Variants in GRM8 observed in about 807,000 individuals in gnomAD.
The protein encoded by GRM8 is metabotropic glutamate receptor 8.
GRM8 carries 47 observed loss-of-function variants against 87.2 expected under a neutral mutation model. That is an observed-to-expected ratio of 0.54 (90% CI 0.43 to 0.69). GRM8 has a LOEUF of 0.69. GRM8 is among the 30% of genes least tolerant of loss of function. GRM8 has a pLI of 0.00. For missense variants in GRM8, 1,019 were observed against 1,139.2 expected (o/e 0.89, Z 1.52); for synonymous variants, 396 against 404.5 (o/e 0.98, Z 0.25).
At chr7:126,608,942 T>G (rs1306959660) in intron 8 of GRM8, among the ~76,000 whole-genome samples, 1 of 152,056 alleles carries the variant, frequency 6.6e-6, no homozygotes, top group Non-Finnish European at 1.5e-5. Context: ...TTTTTTTGTA[T>G]TTTTAGTAGA....
At chr7:127,195,480 A>G (rs1795233950) in intron 2 of GRM8, among the ~76,000 whole-genome samples, 1 of 152,200 alleles carries the variant, frequency 6.6e-6, no homozygotes, top group Non-Finnish European at 1.5e-5. Context: ...TACCTTACAG[A>G]ATTCTACCTT....
chr7:126,764,151 T>G (rs908697848), intron 7 of GRM8, among the ~76,000 whole-genome samples: 43 of 151,922 alleles, frequency 2.8e-4, no homozygotes, highest in Non-Finnish European at 5.2e-4. Flanking sequence ...TTTTCCCTTA[T>G]AGTAATAATC....
chr7:126,712,915 A>G (rs762422311), intron 7 of GRM8, among the ~76,000 whole-genome samples: 1 of 152,238 alleles, frequency 6.6e-6, no homozygotes, highest in Non-Finnish European at 1.5e-5. Context: ...CACGCCAGTT[A>G]GAATGGTGAT....
intron 7 of GRM8, among the ~76,000 whole-genome samples, chr7:126,744,802 A>ATTGAATTT (rs1388762222): frequency 6.6e-6 from 1 of 151,996 alleles, no homozygotes; most frequent in African/African-American, 2.4e-5. Flanking sequence ...ACATGGCAAC[A>ATTGAATTT]GATTGAATGC....
intron 7 of GRM8, among the ~76,000 whole-genome samples, chr7:126,718,096 G>A (rs1231327057): frequency 6.6e-6 from 1 of 152,010 alleles, no homozygotes; most frequent in Non-Finnish European, 1.5e-5. Flanking sequence ...AATTAGCAGG[G>A]CGTGGTGGCA....
chr7:127,045,668 G>A (rs1470895686), intron 3 of GRM8, among the ~76,000 whole-genome samples: 1 of 151,784 alleles, frequency 6.6e-6, no homozygotes, highest in African/African-American at 2.4e-5. Context: ...TTCACTAATT[G>A]GCAATCCCAC....
intron 6 of GRM8, among the ~76,000 whole-genome samples, chr7:126,774,426 C>T (rs1563175081): frequency 6.6e-6 from 1 of 152,144 alleles, no homozygotes; most frequent in Non-Finnish European, 1.5e-5. Context: ...TCGTCAAAGG[C>T]TTTATGTCAG....
At position 127,213,274 on chromosome 7, in the gene GRM8, C is replaced by A. The variant is rs145710707; in HGVS notation, c.510+29421G>T. On this transcript the variant is annotated intron_variant, in intron 2 of 10. Coordinates refer to ENST00000339582, the MANE Select transcript of GRM8 (RefSeq NM_000845.3). The stretch of plus-strand genomic sequence containing the variant: ...CCTTAAATGTGCACTATTATGGTAG[C>A]CACTAGCCATATGTGGCTTCTGAGC... Among the ~76,000 whole-genome samples, 890 of 152,252 alleles carry A rather than the reference C, an allele frequency of 5.8e-3. 22 individuals carry two copies. The highest frequency in any genetic ancestry group is 3.3e-3 in the Non-Finnish European group (225 of 68,024).
chr7:126,764,317 T>C (rs1405458203), intron 7 of GRM8, among the ~76,000 whole-genome samples: 2 of 152,034 alleles, frequency 1.3e-5, no homozygotes, highest in Non-Finnish European at 2.9e-5. Flanking sequence ...AAATATTTGT[T>C]CGATTTCTAG....
chr7:126,494,800 G>T (rs181816921), intron 9 of GRM8, among the ~76,000 whole-genome samples: 80 of 152,124 alleles, frequency 5.3e-4, no homozygotes, highest in Admixed American at 5.2e-4. Flanking sequence ...TTGATACTCT[G>T]CTGGCTTAGT....
At chr7:127,108,481 G>A (rs1026446932) in intron 2 of GRM8, among the ~76,000 whole-genome samples, 1 of 152,096 alleles carries the variant, frequency 6.6e-6, no homozygotes, top group Non-Finnish European at 1.5e-5. Context: ...GCATTCTATA[G>A]CAAAATATAT....
At chr7:127,046,502 G>GC (rs1818945912) in intron 3 of GRM8, among the ~76,000 whole-genome samples, 1 of 152,184 alleles carries the variant, frequency 6.6e-6, no homozygotes, top group South Asian at 2.1e-4. Flanking sequence ...ATCTCGCTGT[G>GC]CCTCAGTTTT....
intron 2 of GRM8, among the ~76,000 whole-genome samples, chr7:127,190,363 G>C (rs1794960878): frequency 6.6e-6 from 1 of 152,014 alleles, no homozygotes; most frequent in South Asian, 2.1e-4. Context: ...GACCAACATG[G>C]TGAAACCCCA....
At chr7:126,951,817 T>G (rs1808194663) in intron 3 of GRM8, among the ~76,000 whole-genome samples, 1 of 152,014 alleles carries the variant, frequency 6.6e-6, no homozygotes, top group South Asian at 2.1e-4. Flanking sequence ...GTATTTAGTA[T>G]AAATTGTATA....
At chr7:127,010,986 A>G (rs1187472023) in intron 3 of GRM8, among the ~76,000 whole-genome samples, 1 of 148,746 alleles carries the variant, frequency 6.7e-6, no homozygotes, top group Non-Finnish European at 1.5e-5. Context: ...TCCTGAACTC[A>G]AAGAGATTAC....
chr7:126,833,334 T>C (rs1479409504), intron 6 of GRM8, among the ~76,000 whole-genome samples: 1 of 152,200 alleles, frequency 6.6e-6, no homozygotes, highest in Non-Finnish European at 1.5e-5. Context: ...GCACCCCAGG[T>C]CTTTATTCCC....
intron 3 of GRM8, among the ~76,000 whole-genome samples, chr7:127,096,160 C>G (rs1281846830): frequency 6.6e-6 from 1 of 152,168 alleles, no homozygotes; most frequent in Non-Finnish European, 1.5e-5. Flanking sequence ...CTTAATTGAG[C>G]ACTTAGCCTC....
At chr7:127,119,588 T>C (rs1826912431) in intron 2 of GRM8, among the ~76,000 whole-genome samples, 1 of 151,798 alleles carries the variant, frequency 6.6e-6, no homozygotes, top group South Asian at 2.1e-4. Flanking sequence ...TGAAAGGTGT[T>C]CCAGGCATAG....
rs115072475 is a variant in GRM8 at position 126,863,544 on chromosome 7, C to G, written c.1156+38998G>C. On this transcript the variant is annotated intron_variant, in intron 6 of 10. Transcript: ENST00000339582. ...CAGCTGGCAAGCGGCAGTGCTAAGA[C>G]AAGCTTAGTCAAACCCATAGTCTGC... 1.4e-3 allele frequency among the ~76,000 whole-genome samples: 209 copies of G among 152,256 alleles called. 1 individual carries two copies. Among genetic ancestry groups the G allele is most frequent in the African/African-American group, 4.7e-3 (196 of 41,562 alleles).
Sources: allele counts gnomAD v4.1 joint callset (sites outside exome capture counted in the v4.1 genomes callset), GRCh38; gene constraint gnomAD v4.1.1; transcripts MANE v1.5; gene names NCBI Gene and HGNC (gene_info 2026-07-23, HGNC 2026-07-21).